Variants in DOCK2 observed in about 807,000 individuals in gnomAD.
The protein encoded by DOCK2 is dedicator of cytokinesis 2, also known as dedicator of cytokinesis protein 2.
DOCK2 carries 87 observed loss-of-function variants against 248.9 expected under a neutral mutation model. The ratio of observed to expected loss-of-function variants is 0.35; its 90% confidence interval spans 0.29 to 0.42. The LOEUF is 0.42. Among genes scored for constraint, DOCK2 ranks in the 10% least tolerant of loss-of-function variants. DOCK2 has a pLI of 1.00. For missense variants in DOCK2, 1,747 were observed against 2,300.2 expected (o/e 0.76, Z 4.92); for synonymous variants, 805 against 821.6 (o/e 0.98, Z 0.35).
At chr5:169,824,514 C>G (rs1431540801) in intron 26 of DOCK2, among the ~76,000 whole-genome samples, 2 of 152,094 alleles carry the variant, frequency 1.3e-5, no homozygotes. Flanking sequence ...GAAAAACAAG[C>G]AATGGGGAAA....
In DOCK2 at chr5:169,867,474, CATCT is replaced by C. The variant is rs963102652; in HGVS notation, c.2799+26626_2799+26629del. On this transcript the variant is annotated intron_variant, in intron 27 of 51. Coordinates refer to ENST00000520908, the MANE Select transcript of DOCK2 (RefSeq NM_004946.3). ...CTGTCTGTCTATCTATTGATCCATC[CATCT>C]ATCATCTATCTAATCTATCATCTAT... Among the ~76,000 whole-genome samples, 12 of 151,866 alleles carry C rather than the reference CATCT, an allele frequency of 7.9e-5. No homozygotes were observed. In the South Asian group the frequency reaches 1.0e-3, roughly 13 times the overall value.
At chr5:169,712,904 G>A (rs931896617) in intron 17 of DOCK2, among the ~76,000 whole-genome samples, 1 of 152,240 alleles carries the variant, frequency 6.6e-6, no homozygotes, top group African/African-American at 2.4e-5. Context: ...ACAACAGAAT[G>A]CATCTACTAG....
chr5:169,639,914 A>G (rs1757057752), intron 1 of DOCK2, among the ~76,000 whole-genome samples: 1 of 152,184 alleles, frequency 6.6e-6, no homozygotes, highest in East Asian at 1.9e-4. Context: ...ACAGAAATGT[A>G]TTTTCTCACA....
At chr5:169,786,630 T>C (rs573726972) in intron 25 of DOCK2, among the ~76,000 whole-genome samples, 8 of 152,258 alleles carry the variant, frequency 5.3e-5, no homozygotes, top group African/African-American at 1.2e-4. Context: ...CCAGCTGACA[T>C]AGAAACATAG....
intron 34 of DOCK2, among the ~76,000 whole-genome samples, chr5:170,029,038 A>C (rs1189746596): frequency 6.6e-6 from 1 of 152,154 alleles, no homozygotes; most frequent in Admixed American, 6.5e-5. Context: ...TTCTGTGAGC[A>C]TGCAGGTACA....
At chr5:169,828,469 A>T (rs1769015570) in intron 26 of DOCK2, among the ~76,000 whole-genome samples, 1 of 152,178 alleles carries the variant, frequency 6.6e-6, no homozygotes, top group Admixed American at 6.5e-5. Context: ...CCATTTTGAA[A>T]AATGAGGATA....
chr5:169,797,732 T>C (rs937482951), intron 25 of DOCK2, among the ~76,000 whole-genome samples: 3 of 152,224 alleles, frequency 2.0e-5, no homozygotes, highest in Non-Finnish European at 4.4e-5. Context: ...TGTGCAGGTC[T>C]CTGACATTCA....
chr5:169,829,739 G>A (rs1457922816), intron 26 of DOCK2, among the ~76,000 whole-genome samples: 1 of 152,194 alleles, frequency 6.6e-6, no homozygotes, highest in Non-Finnish European at 1.5e-5. Context: ...CAGTTTTGCA[G>A]TTGTATTTAC....
At chr5:169,751,687 G>GT (rs1302222739) in intron 23 of DOCK2, among the ~76,000 whole-genome samples, 4 of 152,182 alleles carry the variant, frequency 2.6e-5, no homozygotes, top group African/African-American at 9.7e-5. Flanking sequence ...GCTTTCTGTG[G>GT]TTTTTCTTAT....
At chr5:169,985,348 C>CGTGTGT (rs5873200) in intron 28 of DOCK2, among the ~76,000 whole-genome samples, 6,447 of 136,788 alleles carry the variant, frequency 0.047, 192 homozygotes, top group Admixed American at 0.071. Context: ...CTAATCTGCT[C>CGTGTGT]GTGTGTGTGT....
At chr5:170,061,343 A>T (rs1257314715) in intron 44 of DOCK2, among the ~76,000 whole-genome samples, 1 of 152,236 alleles carries the variant, frequency 6.6e-6, no homozygotes, top group Non-Finnish European at 1.5e-5. Flanking sequence ...TGCCTTTGGA[A>T]TCACAAATAC....
intron 1 of DOCK2, among the ~76,000 whole-genome samples, chr5:169,652,754 G>A (rs1757875094): frequency 6.6e-6 from 1 of 152,156 alleles, no homozygotes; most frequent in African/African-American, 2.4e-5. Context: ...AGAGAGGGAA[G>A]GAAGGGAAGG....
At chr5:170,058,393 TAA>T (rs1757211462) in intron 44 of DOCK2, among the ~76,000 whole-genome samples, 2 of 152,194 alleles carry the variant, frequency 1.3e-5, no homozygotes, top group Admixed American at 6.5e-5. Context: ...AAAGACGGAC[TAA>T]AAAGTCAAAG....
intron 43 of DOCK2, chr5:170,057,347 C>G (rs1039321182): frequency 3.5e-6 from 2 of 566,680 alleles, no homozygotes; most frequent in African/African-American, 1.9e-5. Flanking sequence ...CTAATAAACC[C>G]AGGTTAGTAC....
intron 27 of DOCK2, among the ~76,000 whole-genome samples, chr5:169,977,331 G>A (rs1410719392): frequency 6.6e-6 from 1 of 152,144 alleles, no homozygotes; most frequent in East Asian, 1.9e-4. Flanking sequence ...TCACGGGTAG[G>A]CGGAGTCATC....
intron 23 of DOCK2, among the ~76,000 whole-genome samples, chr5:169,758,671 A>T (rs143559592): frequency 1.4e-3 from 216 of 152,322 alleles, no homozygotes; most frequent in Non-Finnish European, 2.1e-3. Context: ...GTGATGCACC[A>T]GAGATTCCTT....
chr5:169,986,951 C>G (rs1778083419), intron 29 of DOCK2, among the ~76,000 whole-genome samples: 1 of 152,160 alleles, frequency 6.6e-6, no homozygotes, highest in African/African-American at 2.4e-5. Flanking sequence ...TCAGAATTCT[C>G]TGAAGTGGAA....
intron 44 of DOCK2, among the ~76,000 whole-genome samples, 194 bp from the exon 45 acceptor site, chr5:170,067,316 G>A (rs1223028451): frequency 6.6e-6 from 1 of 152,076 alleles, no homozygotes; most frequent in African/African-American, 2.4e-5. Flanking sequence ...TTCTCACTAA[G>A]CAGAAAGCCA....
intron 27 of DOCK2, among the ~76,000 whole-genome samples, chr5:169,962,626 T>A (rs1777139122): frequency 6.6e-6 from 1 of 151,884 alleles, no homozygotes; most frequent in African/African-American, 2.4e-5. Flanking sequence ...GACAAAGAGG[T>A]TAGACAAGAT....
Sources: gnomAD v4.1 joint callset for allele counts (sites outside exome capture counted in the v4.1 genomes callset) on GRCh38, gnomAD v4.1.1 for gene constraint, MANE v1.5 for transcripts, NCBI Gene and HGNC (gene_info 2026-07-23, HGNC 2026-07-21) for gene names.